The following RARS2 variants were observed in gnomAD, a reference collection of about 807,000 sequenced individuals.
RARS2 encodes the protein arginyl-tRNA synthetase 2, mitochondrial, also known as probable arginine--tRNA ligase, mitochondrial.
Under a neutral mutation model 88.5 loss-of-function variants are expected in RARS2, and 67 were observed. The observed-to-expected ratio is 0.76, with a 90% CI of 0.62 to 0.93. The LOEUF (loss-of-function observed/expected upper bound fraction) is 0.93. RARS2 is among the 40% of genes least tolerant of loss of function. RARS2 has a pLI of 0.00. For synonymous variants in RARS2, 239 were observed against 230.3 expected (o/e 1.04, Z -0.34); for missense variants, 664 against 684.2 (o/e 0.97, Z 0.33).
intron 5 of RARS2, among the ~76,000 whole-genome samples, chr6:87,549,489 T>TA (rs1783703342): frequency 6.6e-6 from 1 of 151,810 alleles, no homozygotes; most frequent in African/African-American, 2.4e-5. Flanking sequence ...AGCTCAAAGT[T>TA]ACAGTGAACT....
chr6:87,536,503 A>G (rs1247012700), intron 8 of RARS2, among the ~76,000 whole-genome samples: 3 of 151,854 alleles, frequency 2.0e-5, no homozygotes, highest in Non-Finnish European at 4.4e-5. Flanking sequence ...TGGGCGTGGT[A>G]GTGCACACCT....
intron 5 of RARS2, 142 bp from the exon 6 acceptor site, chr6:87,548,788 T>C (rs571378124): frequency 1.4e-6 from 1 of 740,266 alleles, no homozygotes; most frequent in African/African-American, 1.8e-5. Flanking sequence ...GTTAAAAATT[T>C]AGAGCAAAGA....
intron 8 of RARS2, among the ~76,000 whole-genome samples, chr6:87,537,688 A>G (rs531982981): frequency 6.6e-5 from 10 of 152,214 alleles, no homozygotes; most frequent in Non-Finnish European, 1.5e-4. Context: ...ACAACTTGAT[A>G]TGGAAAAAAA....
Position 87,548,641 on chromosome 6 carries a change from G to T in RARS2, c.401C>A (p.Pro134His). 6.2e-7 allele frequency: 1 copy of T among 1,612,574 alleles called. No homozygotes were observed. The highest frequency in any genetic ancestry group is 1.1e-5 in the South Asian group (1 of 90,950). ...QKKIVVEFSSPNVAKKFHVGH... is the reference protein window; with the variant it reads ...QKKIVVEFSSHNVAKKFHVGH... ...AACATGAAATTTTTTGGCAACATTAGGTGAACTGCAAAAAAAATGGGAAAC... is the reference window on the plus strand; with the variant it reads ...AACATGAAATTTTTTGGCAACATTATGTGAACTGCAAAAAAAATGGGAAAC... The change falls in exon 6 of 20, where the codon CCT becomes CAT. Residue 134 changes from proline to histidine, a missense_variant. Coordinates refer to ENST00000369536, the MANE Select transcript of RARS2 (RefSeq NM_020320.5).
chr6:87,526,570 A>C (rs1290045810), intron 10 of RARS2, among the ~76,000 whole-genome samples: 1 of 150,426 alleles, frequency 6.6e-6, no homozygotes, highest in Admixed American at 6.7e-5. Flanking sequence ...CATCTACTAC[A>C]AACTATAGTA....
intron 4 of RARS2, among the ~76,000 whole-genome samples, chr6:87,562,259 G>A: frequency 6.6e-6 from 1 of 152,162 alleles, no homozygotes; most frequent in East Asian, 1.9e-4. Flanking sequence ...TATACGCCTA[G>A]GCTGTATGCT....
chr6:87,528,063 TAAA>T (rs55794237), intron 10 of RARS2, among the ~76,000 whole-genome samples: 17 of 128,982 alleles, frequency 1.3e-4, no homozygotes, highest in East Asian at 4.5e-4. Context: ...CCTGGGAACA[TAAA>T]AAAAAAAAAA....
At position 87,520,270 on chromosome 6, in the gene RARS2, T is replaced by C. The variant is rs1297792718; in HGVS notation, c.1036-14A>G. On this transcript the variant is annotated splice_polypyrimidine_tract_variant and intron_variant, in intron 12 of 19. Transcript: ENST00000369536. ...TCCTTTATCTGTCTTGGGAAGAAAA[T>C]ATATATAAAATAAAAGAATACTGAC... The C allele has an allele frequency of 7.7e-6, 12 of 1,560,052 alleles. No individual in the cohort carries two copies. The highest frequency in any genetic ancestry group is 1.1e-5 in the Non-Finnish European group (12 of 1,132,782).
intron 1 of RARS2, among the ~76,000 whole-genome samples, chr6:87,573,228 C>G (rs1471658844): frequency 6.6e-6 from 1 of 152,130 alleles, no homozygotes; most frequent in African/African-American, 2.4e-5. Flanking sequence ...GCACATCTCA[C>G]ACGGTGGGAG....
In RARS2 at chr6:87,548,489, GT is replaced by G. The variant is rs1783304662; in HGVS notation, c.451+101del. Reference sequence around the variant, plus strand: ...AGGCTCATATAAATTTAAACTTTTTGTTTTTTGCTATTTTGTTATTTAAGCA... The same window carrying G: ...AGGCTCATATAAATTTAAACTTTTTGTTTTTGCTATTTTGTTATTTAAGCA... On this transcript the variant is annotated intron_variant, in intron 6 of 19. Coordinates refer to ENST00000369536, the MANE Select transcript of RARS2 (RefSeq NM_020320.5). 7 of 1,179,832 alleles carry G rather than the reference GT, an allele frequency of 5.9e-6. No individual in the cohort carries two copies. The East Asian group carries it at 1.0e-4, about 18-fold the overall frequency. 73.1% of individuals were successfully genotyped at this position (1,179,832 alleles called of 1,614,324 possible).
intron 7 of RARS2, among the ~76,000 whole-genome samples, chr6:87,544,221 T>C (rs1381095974): frequency 6.6e-6 from 1 of 152,276 alleles, no homozygotes; most frequent in Non-Finnish European, 1.5e-5. Context: ...AGTCTGACTA[T>C]TGAGCCTAGG....
intron 14 of RARS2, 37 bp downstream of exon 14, chr6:87,519,546 G>A (rs769588581): frequency 1.6e-5 from 26 of 1,586,422 alleles, no homozygotes; most frequent in South Asian, 2.2e-5. Context: ...AAAGTGGCAC[G>A]TAAGTTATGA....
At chr6:87,549,304 C>T (rs970058207) in intron 5 of RARS2, among the ~76,000 whole-genome samples, 2 of 151,158 alleles carry the variant, frequency 1.3e-5, no homozygotes, top group African/African-American at 4.9e-5. Context: ...TGCAGTGAGC[C>T]GAGATCACGA....
intron 4 of RARS2, 78 bp downstream of exon 4, chr6:87,562,624 T>G: frequency 8.9e-7 from 1 of 1,129,048 alleles, no homozygotes. Context: ...CATAAAGAAT[T>G]TAAAAACTGG....
intron 9 of RARS2, 50 bp from the exon 10 acceptor site, chr6:87,529,698 T>G (rs776301408): frequency 1.5e-6 from 2 of 1,362,288 alleles, no homozygotes; most frequent in South Asian, 2.3e-5. Flanking sequence ...TTGAATCTCC[T>G]ATTCTTACCC....
intron 1 of RARS2, among the ~76,000 whole-genome samples, chr6:87,575,225 G>GCGCACACACA (rs137938502): frequency 8.7e-6 from 1 of 114,562 alleles, no homozygotes; most frequent in East Asian, 2.7e-4. Context: ...AAAATAGAAA[G>GCGCACACACA]CACACACACA....
At chr6:87,579,014 C>T (rs1189180572) in intron 1 of RARS2, among the ~76,000 whole-genome samples, 4 of 122,368 alleles carry the variant, frequency 3.3e-5, no homozygotes, top group African/African-American at 1.3e-4. Context: ...TGAATACATA[C>T]AATATACCAA....
intron 1 of RARS2, among the ~76,000 whole-genome samples, chr6:87,578,115 C>A (rs555087187): frequency 2.7e-5 from 4 of 148,170 alleles, no homozygotes; most frequent in Admixed American, 6.7e-5. Flanking sequence ...AGACCCCCCC[C>A]CCCGCCATCT....
At chr6:87,564,959 T>C (rs1311929458) in intron 2 of RARS2, among the ~76,000 whole-genome samples, 1 of 151,364 alleles carries the variant, frequency 6.6e-6, no homozygotes, top group African/African-American at 2.4e-5. Flanking sequence ...TCGGGAGGCT[T>C]AGGCACGAGA....
Sources: gnomAD v4.1 joint callset for allele counts (sites outside exome capture counted in the v4.1 genomes callset) on GRCh38, gnomAD v4.1.1 for gene constraint, MANE v1.5 for transcripts, NCBI Gene and HGNC (gene_info 2026-07-23, HGNC 2026-07-21) for gene names.